CACNA2D2: variants seen among roughly 807,000 people sequenced by gnomAD.
The protein encoded by CACNA2D2 is calcium voltage-gated channel auxiliary subunit alpha2delta 2.
In CACNA2D2, 48 loss-of-function variants were observed where a neutral mutation model predicts 166.4. That is an observed-to-expected ratio of 0.29 (90% CI 0.23 to 0.37). The LOEUF (loss-of-function observed/expected upper bound fraction) is 0.37. CACNA2D2 is among the 10% of genes least tolerant of loss of function. The pLI, the probability that CACNA2D2 is intolerant of heterozygous loss-of-function variation, is 1.00. For missense variants in CACNA2D2, 1,122 were observed against 1,433.0 expected (o/e 0.78, Z 3.50); for synonymous variants, 561 against 573.7 (o/e 0.98, Z 0.32).
At chr3:50,498,018 A>G (rs1698794003) in intron 1 of CACNA2D2, among the ~76,000 whole-genome samples, 1 of 152,106 alleles carries the variant, frequency 6.6e-6, no homozygotes, top group African/African-American at 2.4e-5. Flanking sequence ...TGTCCTCCCC[A>G]GCATGTCCTC....
chr3:50,393,938 G>T (rs1453810205), intron 4 of CACNA2D2, among the ~76,000 whole-genome samples, 171 bp downstream of exon 4: 1 of 152,114 alleles, frequency 6.6e-6, no homozygotes, highest in African/African-American at 2.4e-5. Flanking sequence ...TGTGTGCCCA[G>T]CAGTGAGAGG....
At chr3:50,465,172 T>C (rs1214560643) in intron 2 of CACNA2D2, among the ~76,000 whole-genome samples, 1 of 152,142 alleles carries the variant, frequency 6.6e-6, no homozygotes. Flanking sequence ...GCCCGGGAGG[T>C]GGCCACATTT....
intron 1 of CACNA2D2, among the ~76,000 whole-genome samples, chr3:50,489,787 G>A (rs58432784): frequency 0.11 from 17,487 of 152,208 alleles, 1,325 homozygotes; most frequent in East Asian, 0.32. Context: ...TGACTGGGGA[G>A]GCCCAGGGCC....
In CACNA2D2 at chr3:50,374,818, G is replaced by T. The variant is rs377584163; in HGVS notation, c.1908-5C>A. 327 of 1,585,444 alleles carry T rather than the reference G, an allele frequency of 2.1e-4. No homozygotes were observed. Among genetic ancestry groups the T allele is most frequent in the Non-Finnish European group, 2.7e-4 (315 of 1,166,514 alleles). ...GGTGGGAGCACCAGCCCCAGGCTGAGGGGGGAGAAGCTCGGGTCACGGCTG... is the reference window on the plus strand; with the variant it reads ...GGTGGGAGCACCAGCCCCAGGCTGATGGGGGAGAAGCTCGGGTCACGGCTG... On this transcript the variant is annotated splice_polypyrimidine_tract_variant and splice_region_variant and intron_variant, in intron 21 of 37. Transcript: ENST00000424201.
chr3:50,426,720 T>C (rs1343147475), intron 3 of CACNA2D2, among the ~76,000 whole-genome samples: 1 of 151,762 alleles, frequency 6.6e-6, no homozygotes, highest in Non-Finnish European at 1.5e-5. Flanking sequence ...TTGGAGGAGG[T>C]CCCAGGAGAA....
At chr3:50,460,255 C>T (rs773536596) in intron 2 of CACNA2D2, among the ~76,000 whole-genome samples, 10 of 152,116 alleles carry the variant, frequency 6.6e-5, no homozygotes, top group Non-Finnish European at 1.5e-4. Flanking sequence ...CTGGTAAAAT[C>T]CAAATAAGGT....
chr3:50,378,374 T>C, intron 13 of CACNA2D2, 41 bp from the exon 14 acceptor site: 1 of 1,544,168 alleles, frequency 6.5e-7, no homozygotes, highest in South Asian at 1.2e-5. Context: ...TGGCTGGCAC[T>C]GCAGGATCCA....
intron 2 of CACNA2D2, among the ~76,000 whole-genome samples, chr3:50,449,475 T>C (rs1272503442): frequency 1.3e-5 from 2 of 152,172 alleles, no homozygotes; most frequent in Admixed American, 6.5e-5. Context: ...GCCACCTCCA[T>C]GGCTGCGCAG....
Position 50,380,001 on chromosome 3 carries a change from G to A in CACNA2D2, c.860C>T (p.Ser287Leu), listed in dbSNP as rs760340682. The A allele has an allele frequency of 6.2e-7, 1 of 1,614,080 alleles. No individual in the cohort carries two copies. Among genetic ancestry groups the A allele is most frequent in the Non-Finnish European group, 8.5e-7 (1 of 1,180,044 alleles). Residue 287 changes from serine (S) to leucine (L), a missense_variant, in exon 9 of 38, where the codon TCG (serine) becomes TTG (leucine). Coordinates refer to ENST00000424201, the MANE Select transcript of CACNA2D2 (RefSeq NM_006030.4). The surrounding 1 kb of genome is among the most constrained non-coding windows in gnomAD (Gnocchi z 4.9). ...GATGATGACCATGTCTTTGGGTGACGAGGCCCCCTGGATATACCTGCCCAG... is the reference window on the plus strand; with the variant it reads ...GATGATGACCATGTCTTTGGGTGACAAGGCCCCCTGGATATACCTGCCCAG... ...RRRPWYIQGA[S>L]SPKDMVIIVD...
At chr3:50,459,418 G>C (rs1488001438) in intron 2 of CACNA2D2, among the ~76,000 whole-genome samples, 1 of 152,074 alleles carries the variant, frequency 6.6e-6, no homozygotes, top group Non-Finnish European at 1.5e-5. Flanking sequence ...TGGGCCTGGG[G>C]ACAGGGTCTT....
At chr3:50,408,679 C>A (rs539124618) in intron 3 of CACNA2D2, among the ~76,000 whole-genome samples, 1 of 152,190 alleles carries the variant, frequency 6.6e-6, no homozygotes, top group African/African-American at 2.4e-5. Flanking sequence ...GACTGCCAGG[C>A]GCTAATGGCT....
intron 23 of CACNA2D2, among the ~76,000 whole-genome samples, chr3:50,369,787 G>A (rs587720607): frequency 4.6e-5 from 7 of 152,340 alleles, no homozygotes; most frequent in Non-Finnish European, 1.0e-4. Context: ...CTCCTCATCT[G>A]ATGGAGCAGC....
intron 2 of CACNA2D2, among the ~76,000 whole-genome samples, chr3:50,447,978 T>C (rs998313049): frequency 5.9e-5 from 9 of 152,144 alleles, no homozygotes; most frequent in African/African-American, 1.9e-4. Flanking sequence ...AGACCAGCCA[T>C]ATCCTCAACC....
chr3:50,384,030 C>T (rs1370191327), intron 6 of CACNA2D2, among the ~76,000 whole-genome samples, 166 bp downstream of exon 6: 1 of 152,214 alleles, frequency 6.6e-6, no homozygotes, highest in African/African-American at 2.4e-5. Context: ...GTGCTTGATG[C>T]CCACATGTGG....
At chr3:50,434,083 G>A (rs766008857) in intron 3 of CACNA2D2, among the ~76,000 whole-genome samples, 1 of 152,194 alleles carries the variant, frequency 6.6e-6, no homozygotes, top group Non-Finnish European at 1.5e-5. Context: ...GGATCACACA[G>A]AGCCCCAAGA....
intron 3 of CACNA2D2, among the ~76,000 whole-genome samples, chr3:50,414,098 G>C (rs937543830): frequency 1.3e-5 from 2 of 152,108 alleles, no homozygotes; most frequent in African/African-American, 4.8e-5. Context: ...GAGTTAGATA[G>C]AACCATACCT....
chr3:50,460,784 G>A (rs1709554629), intron 2 of CACNA2D2, among the ~76,000 whole-genome samples: 1 of 151,942 alleles, frequency 6.6e-6, no homozygotes, highest in Non-Finnish European at 1.5e-5. Flanking sequence ...AACCCGGAAG[G>A]CGGAGCTTGC....
Position 50,367,785 on chromosome 3 carries a change from TG to T in CACNA2D2, c.2234+26del. The T allele has an allele frequency of 6.2e-7, 1 of 1,612,410 alleles. No individual in the cohort carries two copies. The highest frequency in any genetic ancestry group is 2.2e-5 in the East Asian group (1 of 44,872). On this transcript the variant is annotated intron_variant, in intron 25 of 37. Transcript: ENST00000424201. The surrounding 1 kb of genome is among the most constrained non-coding windows in gnomAD (Gnocchi z 6.5). Reference sequence around the variant, plus strand: ...GGCCTCTGGGCCCATCCTAGCCTTCTGCCCCCACAGGCTGGGTGATGCCTAC... The same window carrying T: ...GGCCTCTGGGCCCATCCTAGCCTTCTCCCCCACAGGCTGGGTGATGCCTAC...
chr3:50,460,347 TAAAGG>T (rs1709536707), intron 2 of CACNA2D2, among the ~76,000 whole-genome samples: 1 of 152,190 alleles, frequency 6.6e-6, no homozygotes, highest in Non-Finnish European at 1.5e-5. Flanking sequence ...GACGATAACT[TAAAGG>T]AAACTGGACA....
Sources: allele counts gnomAD v4.1 joint callset (sites outside exome capture counted in the v4.1 genomes callset), GRCh38; gene constraint gnomAD v4.1.1; non-coding constraint Gnocchi (gnomAD v3.1); transcripts MANE v1.5; gene names NCBI Gene and HGNC (gene_info 2026-07-23, HGNC 2026-07-21).